The following CNTNAP5 variants were observed in gnomAD, a reference collection of about 807,000 sequenced individuals.
The protein encoded by CNTNAP5 is contactin-associated protein-like 5.
A neutral mutation model predicts 150.2 loss-of-function variants in CNTNAP5; 72 were observed. The observed-to-expected ratio is 0.48, with a 90% CI of 0.40 to 0.58. The LOEUF (loss-of-function observed/expected upper bound fraction) is 0.58, where lower values mean the gene tolerates loss of function less well. Ranked by LOEUF, CNTNAP5 falls within the 20% of genes least tolerant of loss-of-function variation. CNTNAP5 has a pLI of 0.00. For missense variants in CNTNAP5, 1,636 were observed against 1,626.2 expected, an observed-to-expected ratio of 1.01 and a Z score of -0.10; for synonymous variants, 672 against 619.8, an observed-to-expected ratio of 1.08 and a Z score of -1.25.
chr2:124,830,115 T>C (rs1682682301), intron 19 of CNTNAP5, among the ~76,000 whole-genome samples: 1 of 151,926 alleles, frequency 6.6e-6, no homozygotes, highest in African/African-American at 2.4e-5. Flanking sequence ...TATCATTTGA[T>C]AATATTTTCT....
chr2:124,189,471 T>C (rs1326950528), intron 1 of CNTNAP5, among the ~76,000 whole-genome samples: 2 of 152,184 alleles, frequency 1.3e-5, no homozygotes, highest in African/African-American at 4.8e-5. Flanking sequence ...TCCAGACTAC[T>C]CTGAGCCTCA....
chr2:124,868,469 C>T (rs970018779), intron 20 of CNTNAP5, among the ~76,000 whole-genome samples: 13 of 152,088 alleles, frequency 8.5e-5, no homozygotes, highest in African/African-American at 3.1e-4. Flanking sequence ...TCTTGTACTT[C>T]CTTCTGCACT....
intron 1 of CNTNAP5, among the ~76,000 whole-genome samples, chr2:124,068,863 A>G (rs1573731019): frequency 6.6e-6 from 1 of 152,148 alleles, no homozygotes; most frequent in African/African-American, 2.4e-5. Context: ...TAGGCCAGAA[A>G]GGAACGATCT....
intron 11 of CNTNAP5, among the ~76,000 whole-genome samples, chr2:124,588,744 T>C (rs1696611573): frequency 6.6e-6 from 1 of 152,168 alleles, no homozygotes; most frequent in Admixed American, 6.5e-5. Context: ...ATTTAGCAAC[T>C]GTTGCTACGT....
intron 3 of CNTNAP5, among the ~76,000 whole-genome samples, chr2:124,301,109 A>G (rs1300832204): frequency 6.6e-6 from 1 of 152,196 alleles, no homozygotes; most frequent in Admixed American, 6.5e-5. Context: ...GGGATTAGGC[A>G]TCACGTGCTT....
At chr2:124,053,604 A>G (rs970474983) in intron 1 of CNTNAP5, among the ~76,000 whole-genome samples, 1 of 152,230 alleles carries the variant, frequency 6.6e-6, no homozygotes, top group African/African-American at 2.4e-5. Context: ...AAACCATGGC[A>G]ATAACGTATG....
At chr2:124,430,160 G>A (rs1471698097) in intron 4 of CNTNAP5, among the ~76,000 whole-genome samples, 1 of 152,076 alleles carries the variant, frequency 6.6e-6, no homozygotes, top group Non-Finnish European at 1.5e-5. Context: ...GGCCAGGTGG[G>A]AACCGACAGA....
chr2:124,425,786 G>A (rs1288031740), intron 4 of CNTNAP5, among the ~76,000 whole-genome samples: 4 of 152,182 alleles, frequency 2.6e-5, no homozygotes, highest in Admixed American at 1.3e-4. Context: ...TAGGGTGTTC[G>A]AGTTCCTCGG....
chr2:124,163,201 G>T (rs1684727075), intron 1 of CNTNAP5, among the ~76,000 whole-genome samples: 1 of 152,108 alleles, frequency 6.6e-6, no homozygotes, highest in South Asian at 2.1e-4. Flanking sequence ...GGAACTGGAA[G>T]TATCAGATCA....
intron 19 of CNTNAP5, among the ~76,000 whole-genome samples, chr2:124,832,919 C>CTTTTTTTTTT (rs539240335): frequency 1.4e-5 from 2 of 143,204 alleles, no homozygotes; most frequent in African/African-American, 2.6e-5. Context: ...TTTTCTTTTC[C>CTTTTTTTTTT]TTTTTTTTTT....
chr2:124,563,391 G>T, intron 11 of CNTNAP5, 68 bp downstream of exon 11: 1 of 924,158 alleles, frequency 1.1e-6, no homozygotes, highest in Non-Finnish European at 1.7e-6. Context: ...GTTAACTTCA[G>T]GATGTATTTA....
chr2:124,577,411 G>T (rs920773282), intron 11 of CNTNAP5, among the ~76,000 whole-genome samples: 1 of 152,098 alleles, frequency 6.6e-6, no homozygotes, highest in South Asian at 2.1e-4. Context: ...TAATTTCATT[G>T]AGATATTTAT....
intron 19 of CNTNAP5, among the ~76,000 whole-genome samples, chr2:124,854,216 T>C (rs73955859): frequency 0.071 from 10,746 of 152,216 alleles, 1,150 homozygotes; most frequent in African/African-American, 0.23. Context: ...CCTTTCCCTC[T>C]GCTTATACGT....
At chr2:124,833,734 A>T (rs1020505893) in intron 19 of CNTNAP5, among the ~76,000 whole-genome samples, 3 of 152,152 alleles carry the variant, frequency 2.0e-5, no homozygotes, top group South Asian at 4.1e-4. Context: ...CAGGGTTTCA[A>T]TTCAAGTGTA....
chr2:124,677,003 A>G (rs1193566629), intron 13 of CNTNAP5, among the ~76,000 whole-genome samples: 1 of 152,136 alleles, frequency 6.6e-6, no homozygotes, highest in Non-Finnish European at 1.5e-5. Context: ...GGAAGACATA[A>G]TATGTCCGGA....
At chr2:124,200,181 T>C (rs1685692551) in intron 1 of CNTNAP5, among the ~76,000 whole-genome samples, 2 of 152,238 alleles carry the variant, frequency 1.3e-5, no homozygotes, top group African/African-American at 4.8e-5. Context: ...TTTTGTTGGA[T>C]ACTGACTTTA....
intron 8 of CNTNAP5, among the ~76,000 whole-genome samples, chr2:124,506,854 C>T (rs1694417160): frequency 6.6e-6 from 1 of 152,132 alleles, no homozygotes; most frequent in Non-Finnish European, 1.5e-5. Flanking sequence ...GGGACTGAAG[C>T]CATGGCAAGG....
intron 13 of CNTNAP5, among the ~76,000 whole-genome samples, chr2:124,708,292 T>C (rs1679736511): frequency 6.6e-6 from 1 of 152,122 alleles, no homozygotes; most frequent in Non-Finnish European, 1.5e-5. Context: ...TGGGAAGTCA[T>C]CACTAAGCCT....
chr2:124,902,841 C>CA (rs745987160), intron 21 of CNTNAP5, 41 bp from the exon 22 acceptor site: 2 of 1,476,290 alleles, frequency 1.4e-6, no homozygotes, highest in East Asian at 2.4e-5. Flanking sequence ...TTGGAAAAAA[C>CA]AAAAAAAGTA....
Sources: gnomAD v4.1 joint callset for allele counts (sites outside exome capture counted in the v4.1 genomes callset) on GRCh38, gnomAD v4.1.1 for gene constraint, MANE v1.5 for transcripts, NCBI Gene and HGNC (gene_info 2026-07-23, HGNC 2026-07-21) for gene names.